The following DTX3 variants were observed in gnomAD, a reference collection of about 807,000 sequenced individuals.
DTX3 encodes E3 ubiquitin-protein ligase DTX3.
Under a neutral mutation model 27.4 loss-of-function variants are expected in DTX3, and 10 were observed. The ratio of observed to expected loss-of-function variants is 0.36; its 90% confidence interval spans 0.22 to 0.62. The LOEUF is 0.62. Ranked by LOEUF, DTX3 falls within the 20% of genes least tolerant of loss-of-function variation. The pLI, the probability that DTX3 is intolerant of heterozygous loss-of-function variation, is 0.68. For synonymous variants in DTX3, 171 were observed against 190.7 expected (o/e 0.90, Z 0.85); for missense variants, 319 against 463.8 (o/e 0.69, Z 2.87).
intron 4 of DTX3, 21 bp downstream of exon 4, chr12:57,606,539 A>G: frequency 5.6e-6 from 9 of 1,613,864 alleles, no homozygotes; most frequent in Non-Finnish European, 7.6e-6. Context: ...AGGAGGGGCA[A>G]AGAGTCTCCC....
rs1264006327 is a variant in DTX3, at chr12:57,608,574, CT to C, written c.806del (p.Leu269ProfsTer11). ...RYPGTTRVAY[L>X]PDCPEGNKVL... ...TCCTGGCACCACACGGGTGGCCTAC[CT>C]CCCGGACTGCCCTGAGGGCAACAAG... is the stretch of plus-strand genomic sequence containing the variant. On this transcript the variant is annotated frameshift_variant, in exon 6 of 7. Transcript: ENST00000337737. LOFTEE classifies it high-confidence loss of function. The surrounding 1 kb of genome is among the most constrained non-coding windows in gnomAD (Gnocchi z 6.1). 1 of 1,613,644 alleles carries C rather than the reference CT, an allele frequency of 6.2e-7. No homozygotes were observed. The highest frequency in any genetic ancestry group is 1.7e-5 in the Admixed American group (1 of 60,012).
rs1312802671 is a variant in DTX3, at chr12:57,606,538, A to G, written c.1+20A>G. ...ATCAAAGTAAGCAAAAAGGAGGGGC[A>G]AAGAGTCTCCCTCCCCTTTAAACAG... is the stretch of plus-strand genomic sequence containing the variant. On this transcript the variant is annotated intron_variant, in intron 4 of 6. Transcript: ENST00000337737. 4 of 1,613,802 alleles carry G rather than the reference A, an allele frequency of 2.5e-6. No homozygotes were observed. The African/African-American group carries it at 4.0e-5, about 16-fold the overall frequency.
In DTX3 at chr12:57,607,051, C is replaced by T; in HGVS notation, c.188C>T (p.Ser63Phe). The T allele has an allele frequency of 6.2e-7, 1 of 1,614,226 alleles. No individual in the cohort carries two copies. Residue 63 changes from serine to phenylalanine, a missense_variant, in exon 5 of 7, where the codon TCC becomes TTC. Ser to Phe is a radical substitution (Grantham distance 155). This residue lies in a region of DTX3 where 202 missense variants were observed against 205.3 expected (regional missense o/e 0.98). Coordinates refer to ENST00000337737, the MANE Select transcript of DTX3 (RefSeq NM_178502.4). The surrounding 1 kb of genome is among the most constrained non-coding windows in gnomAD (Gnocchi z 7.7). ...TCTGACATCTATGTTCTCCAGCTTT[C>T]CCCACAGGGTCCTCCCCCGGCCCCT... ...ETSDIYVLQL[S>F]PQGPPPAPPN...
chr12:57,608,654 C>G lies in DTX3; in HGVS notation c.885C>G (p.Gly295=). 6.2e-7 allele frequency: 1 copy of G among 1,614,194 alleles called. No individual in the cohort carries two copies. Among genetic ancestry groups the G allele is most frequent in the Non-Finnish European group, 8.5e-7 (1 of 1,180,020 alleles). Residue 295 remains glycine, a synonymous_variant, in exon 6 of 7, where the codon GGC becomes GGG. Transcript: ENST00000337737. The surrounding 1 kb of genome is among the most constrained non-coding windows in gnomAD (Gnocchi z 6.1). ...AFDQRLTFTI[G]TSMTTGRPNV... is the part of the protein sequence containing the mutation. Reference sequence around the variant, plus strand: ...ACCAGCGTCTCACCTTCACTATCGGCACGTCCATGACCACAGGGAGACCGA... The same window carrying G: ...ACCAGCGTCTCACCTTCACTATCGGGACGTCCATGACCACAGGGAGACCGA...
Position 57,608,681 on chromosome 12 carries a change from T to C in DTX3, c.912T>C (p.Asn304=). Residue 304 remains asparagine (N), a synonymous_variant, in exon 6 of 7, where the codon AAT becomes AAC. Coordinates refer to ENST00000337737, the MANE Select transcript of DTX3 (RefSeq NM_178502.4). The surrounding 1 kb of genome is among the most constrained non-coding windows in gnomAD (Gnocchi z 6.1). The stretch of plus-strand genomic sequence containing the variant: ...CGTCCATGACCACAGGGAGACCGAA[T>C]GTCATCACCTGGAACGACATCCACC... ...IGTSMTTGRP[N]VITWNDIHHK... The C allele has an allele frequency of 6.2e-7, 1 of 1,614,196 alleles. No homozygotes were observed. The highest frequency in any genetic ancestry group is 2.2e-5 in the East Asian group (1 of 44,882).
rs1565719341 is a variant in DTX3 at position 57,604,858 on chromosome 12, G to A, written c.-300G>A. On this transcript the variant is annotated splice_region_variant and 5_prime_UTR_variant, in exon 1 of 7. Coordinates refer to ENST00000337737, the MANE Select transcript of DTX3 (RefSeq NM_178502.4). ...ACCGGCAATGGCGGCGCTGACGAGA[G>A]GTAGGTGAGCCCGGCGCCCCCCACA... 1 of 152,028 alleles carries A rather than the reference G, an allele frequency of 6.6e-6. No homozygotes were observed. Among genetic ancestry groups the A allele is most frequent in the Non-Finnish European group, 1.5e-5 (1 of 68,024 alleles). The allele number at this position is 152,028 out of a possible 1,614,324, so 9.4% of individuals were successfully genotyped here.
chr12:57,606,680 G>A, intron 4 of DTX3, 162 bp downstream of exon 4: 1 of 1,332,414 alleles, frequency 7.5e-7, no homozygotes, highest in Non-Finnish European at 1.0e-6. Flanking sequence ...AAACTTTTTT[G>A]CTCTTCAGTG....
In DTX3 at chr12:57,609,462, G is replaced by T; in HGVS notation, c.*310G>T. 1 of 323,448 alleles carries T rather than the reference G, an allele frequency of 3.1e-6. No homozygotes were observed. Among genetic ancestry groups the T allele is most frequent in the Non-Finnish European group, 5.8e-6 (1 of 171,246 alleles). 20.0% of individuals were successfully genotyped at this position (323,448 alleles called of 1,614,324 possible). ...CTTGGCTTTTTCTGGTATGTGCTGT[G>T]CTCCACGACCAAGCCGAGAAAGGAC... On this transcript the variant is annotated 3_prime_UTR_variant, in exon 7 of 7. Coordinates refer to ENST00000337737, the MANE Select transcript of DTX3 (RefSeq NM_178502.4).
In DTX3 at chr12:57,609,645, C is replaced by G; in HGVS notation, c.*493C>G. The G allele has an allele frequency of 5.7e-6, 1 of 176,074 alleles. No individual in the cohort carries two copies. The highest frequency in any genetic ancestry group is 1.2e-5 in the Non-Finnish European group (1 of 81,114). 10.9% of individuals were successfully genotyped at this position (176,074 alleles called of 1,614,324 possible). On this transcript the variant is annotated 3_prime_UTR_variant, in exon 7 of 7. Coordinates refer to ENST00000337737, the MANE Select transcript of DTX3 (RefSeq NM_178502.4). The stretch of plus-strand genomic sequence containing the variant: ...GTGTGTTCATCAGATACAGTTCTCC[C>G]TTAACCTTGTCCTTTCTCTCCTGTG...
Position 57,609,000 on chromosome 12 carries a change from A to G in DTX3, c.969-77A>G. The G allele has an allele frequency of 1.4e-6, 2 of 1,389,342 alleles. No homozygotes were observed. Among genetic ancestry groups the G allele is most frequent in the Non-Finnish European group, 1.0e-6 (1 of 984,282 alleles). The allele number at this position is 1,389,342 out of a possible 1,614,324, so 86.1% of individuals were successfully genotyped here. ...AGGTGGGGAGGTGTCTGAGCCACCT[A>G]GAATGAGGGTGAGCATGGGGATAAT... On this transcript the variant is annotated intron_variant, in intron 6 of 6. Coordinates refer to ENST00000337737, the MANE Select transcript of DTX3 (RefSeq NM_178502.4). This position sits in a 1 kb window ranked among gnomAD's most constrained non-coding sequence, Gnocchi z 6.1.
rs12832023 is a variant in DTX3, at chr12:57,607,247, C to T, written c.384C>T (p.Ala128=). Reference sequence around the variant, plus strand: ...CAGGCCCACCCCCTCTCCGAGCAGCCCCACTTCTGCCCCCAGGAGCTCGGG... The same window carrying T: ...CAGGCCCACCCCCTCTCCGAGCAGCTCCACTTCTGCCCCCAGGAGCTCGGG... ...HRAGPPPLRA[A]PLLPPGARGL... Residue 128 remains alanine, a synonymous_variant, in exon 5 of 7, where the codon GCC becomes GCT. Coordinates refer to ENST00000337737, the MANE Select transcript of DTX3 (RefSeq NM_178502.4). The surrounding 1 kb of genome is among the most constrained non-coding windows in gnomAD (Gnocchi z 7.7). 2 of 1,600,162 alleles carry T rather than the reference C, an allele frequency of 1.2e-6. No homozygotes were observed. Among genetic ancestry groups the T allele is most frequent in the Non-Finnish European group, 8.5e-7 (1 of 1,173,892 alleles).
At position 57,607,095 on chromosome 12, in the gene DTX3, G is replaced by C; in HGVS notation, c.232G>C (p.Ala78Pro). 6.2e-7 allele frequency: 1 copy of C among 1,614,196 alleles called. No homozygotes were observed. The highest frequency in any genetic ancestry group is 8.5e-7 in the Non-Finnish European group (1 of 1,180,026). ...PPAPPNGLYL[A>P]RKALKGLLKE... ...GGCCCCTCCAAATGGGCTCTACCTAGCCCGGAAGGCTCTCAAGGGGCTGCT... is the reference window on the plus strand; with the variant it reads ...GGCCCCTCCAAATGGGCTCTACCTACCCCGGAAGGCTCTCAAGGGGCTGCT... Residue 78 changes from alanine to proline, a missense_variant, in exon 5 of 7, where the codon GCC becomes CCC. Physicochemically the swap from Ala to Pro is conservative, Grantham distance 27. Around this residue, in one of 2 missense-constraint regions of DTX3, gnomAD observed 202 missense variants for 205.3 expected, o/e 0.98. Transcript: ENST00000337737. This position sits in a 1 kb window ranked among gnomAD's most constrained non-coding sequence, Gnocchi z 7.7.
At position 57,608,391 on chromosome 12, in the gene DTX3, C is replaced by G; in HGVS notation, c.751-129C>G. ...CTCTCCTTCTGTGGAAAGCTGTCAG[C>G]CTGTTGCTGCCCCGTTCGCATTAGC... On this transcript the variant is annotated intron_variant, in intron 5 of 6. Transcript: ENST00000337737. The surrounding 1 kb of genome is among the most constrained non-coding windows in gnomAD (Gnocchi z 6.1). 1.3e-6 allele frequency: 1 copy of G among 748,676 alleles called. No individual in the cohort carries two copies. Among genetic ancestry groups the G allele is most frequent in the Non-Finnish European group, 2.2e-6 (1 of 458,846 alleles). The allele number at this position is 748,676 out of a possible 1,614,324, so 46.4% of individuals were successfully genotyped here. A position where few individuals can be genotyped will look rare whatever the true frequency, so the allele number is the denominator to read the frequency against.
At position 57,606,856 on chromosome 12, in the gene DTX3, T is replaced by C; in HGVS notation, c.2-9T>C. ...CCCCCACCCTGAGTCCCTTTCACCC[T>C]GGGGGCAGTGTCGTTCGTCCTGTCC... On this transcript the variant is annotated splice_polypyrimidine_tract_variant and intron_variant, in intron 4 of 6. Coordinates refer to ENST00000337737, the MANE Select transcript of DTX3 (RefSeq NM_178502.4). 1 of 1,597,878 alleles carries C rather than the reference T, an allele frequency of 6.3e-7. No individual in the cohort carries two copies. The highest frequency in any genetic ancestry group is 8.5e-7 in the Non-Finnish European group (1 of 1,170,326).
At position 57,609,065 on chromosome 12, in the gene DTX3, C is replaced by T; in HGVS notation, c.969-12C>T. On this transcript the variant is annotated splice_polypyrimidine_tract_variant and intron_variant, in intron 6 of 6. Transcript: ENST00000337737. Reference sequence around the variant, plus strand: ...GCTAACAACCCTCACCCTCATTTCTCTTTGCTCCCAGGTTTGGGTACCCAG... The same window carrying T: ...GCTAACAACCCTCACCCTCATTTCTTTTTGCTCCCAGGTTTGGGTACCCAG... The T allele has an allele frequency of 6.2e-7, 1 of 1,613,536 alleles. No homozygotes were observed. Among genetic ancestry groups the T allele is most frequent in the South Asian group, 1.1e-5 (1 of 90,978 alleles).
chr12:57,607,487 G>C lies in DTX3; in HGVS notation c.624G>C (p.Gln208His), dbSNP rs1883795913. 2 of 1,614,106 alleles carry C rather than the reference G, an allele frequency of 1.2e-6. No homozygotes were observed. Among genetic ancestry groups the C allele is most frequent in the Non-Finnish European group, 1.7e-6 (2 of 1,180,050 alleles). The change falls in exon 5 of 7, where the codon CAG becomes CAC. Residue 208 changes from glutamine (Q) to histidine (H), a missense_variant. Around this residue, in one of 2 missense-constraint regions of DTX3, gnomAD observed 117 missense variants for 258.5 expected, o/e 0.45. Transcript: ENST00000337737. The surrounding 1 kb of genome is among the most constrained non-coding windows in gnomAD (Gnocchi z 7.7). ...ACPMCGRFYG[Q>H]LVGNQPQNGR... The stretch of plus-strand genomic sequence containing the variant: ...CCATGTGCGGCCGCTTCTATGGGCA[G>C]CTGGTGGGCAACCAGCCCCAGAATG...
chr12:57,607,627 G>C lies in DTX3; in HGVS notation c.750+14G>C. On this transcript the variant is annotated intron_variant, in intron 5 of 6. Coordinates refer to ENST00000337737, the MANE Select transcript of DTX3 (RefSeq NM_178502.4). This position sits in a 1 kb window ranked among gnomAD's most constrained non-coding sequence, Gnocchi z 7.7. ...GGTGTCCAGGGGGTAAGAAGACCAT[G>C]GCCTGCCCTTACCCTTTGGCTTTCC... 1 of 1,614,046 alleles carries C rather than the reference G, an allele frequency of 6.2e-7. No individual in the cohort carries two copies. Among genetic ancestry groups the C allele is most frequent in the Non-Finnish European group, 8.5e-7 (1 of 1,180,004 alleles).
rs376137016 is a variant in DTX3, at chr12:57,609,073, C to T, written c.969-4C>T. 16 of 1,613,748 alleles carry T rather than the reference C, an allele frequency of 9.9e-6. No individual in the cohort carries two copies. The African/African-American group carries it at 1.9e-4, about 19-fold the overall frequency. ...CCCTCACCCTCATTTCTCTTTGCTC[C>T]CAGGTTTGGGTACCCAGACCCCACC... On this transcript the variant is annotated splice_polypyrimidine_tract_variant and splice_region_variant and intron_variant, in intron 6 of 6. Coordinates refer to ENST00000337737, the MANE Select transcript of DTX3 (RefSeq NM_178502.4).
chr12:57,609,242 A>AGGTGTGGTGTGGGGG lies in DTX3; in HGVS notation c.*90_*91insGGTGTGGTGTGGGGG. 8.4e-7 allele frequency: 1 copy of AGGTGTGGTGTGGGGG among 1,192,918 alleles called. No homozygotes were observed. The highest frequency in any genetic ancestry group is 1.2e-6 in the Non-Finnish European group (1 of 814,342). The allele number at this position is 1,192,918 out of a possible 1,614,324, so 73.9% of individuals were successfully genotyped here. On this transcript the variant is annotated 3_prime_UTR_variant, in exon 7 of 7. Coordinates refer to ENST00000337737, the MANE Select transcript of DTX3 (RefSeq NM_178502.4). ...CTCCTCTCTGCCCCCTGCCCCCCAC[A>AGGTGTGGTGTGGGGG]CCACACCTGTAGGGGACCTGTCTGA... is the stretch of plus-strand genomic sequence containing the variant.
Sources: allele counts gnomAD v4.1 joint callset, GRCh38; gene constraint gnomAD v4.1.1; regional missense constraint gnomAD v4.1.1; non-coding constraint Gnocchi (gnomAD v3.1); transcripts MANE v1.5; gene names NCBI Gene and HGNC (gene_info 2026-07-23, HGNC 2026-07-21).